The following RGMA variants were observed in gnomAD, a reference collection of about 807,000 sequenced individuals.
RGMA encodes repulsive guidance molecule BMP co-receptor a.
RGMA carries 10 observed loss-of-function variants against 23.2 expected under a neutral mutation model. The observed-to-expected ratio is 0.43, with a 90% CI of 0.27 to 0.73. The LOEUF (loss-of-function observed/expected upper bound fraction) is 0.73, where lower values mean the gene tolerates loss of function less well. RGMA is among the 30% of genes least tolerant of loss of function. RGMA has a pLI of 0.20. For synonymous variants in RGMA, 308 were observed against 279.3 expected (o/e 1.10, Z -1.03); for missense variants, 547 against 630.5 (o/e 0.87, Z 1.42).
intron 2 of RGMA, among the ~76,000 whole-genome samples, chr15:93,054,215 G>A (rs1169962900): frequency 7.8e-6 from 1 of 127,550 alleles, no homozygotes; most frequent in African/African-American, 3.2e-5. Flanking sequence ...GGGAGACAGA[G>A]CAAGACTCCA....
chr15:93,082,668 TAAC>T (rs1895577057), intron 1 of RGMA, among the ~76,000 whole-genome samples: 1 of 152,196 alleles, frequency 6.6e-6, no homozygotes, highest in African/African-American at 2.4e-5. Context: ...TTCCAGACAT[TAAC>T]AAAAAATATA....
chr15:93,078,407 C>T (rs554716845), intron 1 of RGMA, among the ~76,000 whole-genome samples: 1 of 152,196 alleles, frequency 6.6e-6, no homozygotes, highest in Non-Finnish European at 1.5e-5. Flanking sequence ...AATGTTTGTC[C>T]AGACCATGTC....
chr15:93,067,637 A>G (rs938067100), intron 2 of RGMA, among the ~76,000 whole-genome samples: 1 of 151,926 alleles, frequency 6.6e-6, no homozygotes, highest in African/African-American at 2.4e-5. Flanking sequence ...GCAATGCCTT[A>G]GAGTGGCCAG....
chr15:93,064,837 G>C (rs758580936), intron 2 of RGMA, among the ~76,000 whole-genome samples: 6 of 152,218 alleles, frequency 3.9e-5, no homozygotes, highest in Non-Finnish European at 8.8e-5. Context: ...TGGTGAGCAA[G>C]AGGCAGAGGG....
rs1567176968 is a variant in RGMA, at chr15:93,044,854, C to T, written c.*144G>A. On this transcript the variant is annotated 3_prime_UTR_variant, in exon 4 of 4. Transcript: ENST00000329082. ...GCACTAGAAGGGGAGGGGTCCGTGC[C>T]TGAGCCCTTGGCAGCAGGCGGTCCC... 2.9e-6 allele frequency: 2 copies of T among 678,698 alleles called. No homozygotes were observed. The highest frequency in any genetic ancestry group is 4.1e-4 in the Middle Eastern group (1 of 2,414). 42.0% of individuals were successfully genotyped at this position (678,698 alleles called of 1,614,324 possible).
At chr15:93,077,886 T>G (rs1895498099) in intron 1 of RGMA, among the ~76,000 whole-genome samples, 1 of 152,182 alleles carries the variant, frequency 6.6e-6, no homozygotes, top group Non-Finnish European at 1.5e-5. Flanking sequence ...TTTTGTACTT[T>G]CAGTAGAGAC....
chr15:93,054,155 G>A (rs1039257237), intron 2 of RGMA, among the ~76,000 whole-genome samples: 10 of 151,294 alleles, frequency 6.6e-5, no homozygotes, highest in Admixed American at 2.0e-4. Context: ...GCTTGAACCC[G>A]GGAGGCAGAG....
chr15:93,039,986 C>G lies in RGMA; in HGVS notation c.*5012G>C, dbSNP rs569808631. On this transcript the variant is annotated 3_prime_UTR_variant, in exon 4 of 4. Transcript: ENST00000329082. ...CACTTTGGGAGGCTGAAACAGACGT[C>G]TCGCTTGAGCCCAGGAGTTCAAGAT... The G allele has an allele frequency of 2.4e-4, 37 of 152,292 alleles. 1 individual carries two copies. The highest frequency in any genetic ancestry group is 8.9e-4 in the African/African-American group (37 of 41,546). 9.4% of individuals were successfully genotyped at this position (152,292 alleles called of 1,614,324 possible).
At chr15:93,071,195 C>T (rs1895311146) in intron 2 of RGMA, among the ~76,000 whole-genome samples, 1 of 152,236 alleles carries the variant, frequency 6.6e-6, no homozygotes, top group Non-Finnish European at 1.5e-5. Context: ...TGGGCTTGAT[C>T]TTTATCTAGA....
chr15:93,059,172 A>C (rs559890169), intron 2 of RGMA, among the ~76,000 whole-genome samples: 1 of 152,294 alleles, frequency 6.6e-6, no homozygotes, highest in East Asian at 1.9e-4. Context: ...TGCTTTTGCC[A>C]CAAGTCCCTC....
rs990229648 is a variant in RGMA at position 93,065,955 on chromosome 15, T to TG, written c.130+6960dup. ...CAAACCACCGTCGGTAGAAGAAGGG[T>TG]GGGGGGCGCCGTCGTCTGGGCCGCT... On this transcript the variant is annotated intron_variant, in intron 2 of 3. Transcript: ENST00000329082. 1.2e-4 allele frequency: 100 copies of TG among 855,012 alleles called. 1 individual carries two copies. Among genetic ancestry groups the TG allele is most frequent in the Admixed American group, 7.2e-4 (36 of 50,210 alleles). 53.0% of individuals were successfully genotyped at this position (855,012 alleles called of 1,614,324 possible).
chr15:93,071,829 C>CGTAG (rs1231375032), intron 2 of RGMA, among the ~76,000 whole-genome samples: 5 of 152,346 alleles, frequency 3.3e-5, no homozygotes, highest in Admixed American at 6.5e-5. Context: ...TGCGGCTCTA[C>CGTAG]GCCTGGCTGT....
rs1235475116 is a variant in RGMA, at chr15:93,052,438, G to A, written c.200C>T (p.Pro67Leu). The change falls in exon 3 of 4, where the codon CCA (proline) becomes CTA (leucine). Residue 67 changes from proline to leucine, a missense_variant. By Grantham distance (98) the Pro-to-Leu change is moderately conservative. This residue lies in a region of RGMA where 214 missense variants were observed against 234.7 expected (regional missense o/e 0.91). Coordinates refer to ENST00000329082, the MANE Select transcript of RGMA (RefSeq NM_020211.3). ...FWSATSGSHA[P>L]ASDDTPEFCA... ...GAACTCGGGGGTGTCGTCTGAGGCT[G>A]GGGCGTGGCTGCCCGACGTGGCGCT... 6.3e-7 allele frequency: 1 copy of A among 1,593,702 alleles called. No individual in the cohort carries two copies. Among genetic ancestry groups the A allele is most frequent in the Non-Finnish European group, 8.5e-7 (1 of 1,175,700 alleles).
intron 2 of RGMA, among the ~76,000 whole-genome samples, chr15:93,063,382 T>C (rs1023042995): frequency 6.6e-6 from 1 of 152,246 alleles, no homozygotes; most frequent in Non-Finnish European, 1.5e-5. Context: ...CACCCTCTCC[T>C]GTCCTTTGTG....
At chr15:93,055,885 C>T (rs1179792629) in intron 2 of RGMA, among the ~76,000 whole-genome samples, 1 of 152,232 alleles carries the variant, frequency 6.6e-6, no homozygotes. Flanking sequence ...CTGCTACCTC[C>T]ACAGCCTTCA....
chr15:93,082,937 T>A (rs1313863627), intron 1 of RGMA, among the ~76,000 whole-genome samples: 1 of 152,242 alleles, frequency 6.6e-6, no homozygotes, highest in Non-Finnish European at 1.5e-5. Flanking sequence ...TCCACAAGCC[T>A]CTCACAGCAC....
chr15:93,045,583 G>C lies in RGMA; in HGVS notation c.768C>G (p.Ala256=). Residue 256 remains alanine (A), a synonymous_variant, in exon 4 of 4, where the codon GCC becomes GCG. Coordinates refer to ENST00000329082, the MANE Select transcript of RGMA (RefSeq NM_020211.3). The surrounding 1 kb of genome is among the most constrained non-coding windows in gnomAD (Gnocchi z 6.9). ...GSKNGGDKHG[A]NSLKITEKVS... is the part of the protein sequence containing the mutation. ...CCTTCTCAGTGATCTTCAGGCTGTTGGCCCCGTGCTTGTCCCCACCGTTCT... is the reference window on the plus strand; with the variant it reads ...CCTTCTCAGTGATCTTCAGGCTGTTCGCCCCGTGCTTGTCCCCACCGTTCT... The C allele has an allele frequency of 6.2e-7, 1 of 1,613,312 alleles. No homozygotes were observed. Among genetic ancestry groups the C allele is most frequent in the South Asian group, 1.1e-5 (1 of 91,084 alleles).
chr15:93,052,419 G>A lies in RGMA; in HGVS notation c.219C>T (p.Pro73=), dbSNP rs766430068. ...AGCTGCGCAAGGCTGCACAGAACTC[G>A]GGGGTGTCGTCTGAGGCTGGGGCGT... ...GSHAPASDDT[P]EFCAALRSYA... Residue 73 remains proline, a synonymous_variant, in exon 3 of 4, where the codon CCC becomes CCT. Coordinates refer to ENST00000329082, the MANE Select transcript of RGMA (RefSeq NM_020211.3). 8.8e-6 allele frequency: 14 copies of A among 1,596,998 alleles called. No homozygotes were observed. The highest frequency in any genetic ancestry group is 6.7e-5 in the African/African-American group (5 of 74,868).
At chr15:93,079,425 T>C (rs1022492504) in intron 1 of RGMA, among the ~76,000 whole-genome samples, 4 of 152,230 alleles carry the variant, frequency 2.6e-5, no homozygotes, top group Non-Finnish European at 4.4e-5. Flanking sequence ...CATGTTCTTT[T>C]TAGAGAACAC....
Sources: gnomAD v4.1 joint callset for allele counts (sites outside exome capture counted in the v4.1 genomes callset) on GRCh38, gnomAD v4.1.1 for gene constraint, gnomAD v4.1.1 regional missense constraint, Gnocchi (gnomAD v3.1) non-coding constraint, MANE v1.5 for transcripts, NCBI Gene and HGNC (gene_info 2026-07-23, HGNC 2026-07-21) for gene names.